ANKS1B: variants seen among roughly 807,000 people sequenced by gnomAD.
ANKS1B encodes ankyrin repeat and sterile alpha motif domain-containing protein 1B.
Under a neutral mutation model 148.3 loss-of-function variants are expected in ANKS1B, and 36 were observed. The observed-to-expected ratio is 0.24, with a 90% CI of 0.19 to 0.32. The LOEUF (loss-of-function observed/expected upper bound fraction) is 0.32. Ranked by LOEUF, ANKS1B falls within the 10% of genes least tolerant of loss-of-function variation. ANKS1B has a pLI of 1.00. For synonymous variants in ANKS1B, 542 were observed against 560.8 expected (o/e 0.97, Z 0.47); for missense variants, 1,157 against 1,542.6 (o/e 0.75, Z 4.19).
chr12:99,627,840 G>T (rs2098124602), intron 9 of ANKS1B, among the ~76,000 whole-genome samples: 1 of 152,126 alleles, frequency 6.6e-6, no homozygotes, highest in Non-Finnish European at 1.5e-5. Flanking sequence ...TGGTGGAGAG[G>T]ATTAAATAAG....
At chr12:99,822,913 G>A (rs969039497) in intron 2 of ANKS1B, among the ~76,000 whole-genome samples, 2 of 152,034 alleles carry the variant, frequency 1.3e-5, no homozygotes, top group Non-Finnish European at 2.9e-5. Context: ...CACCAACAGT[G>A]AATAAGCACT....
At chr12:99,356,674 CATCTGGTTCAATTTCCT>C (rs1341797751) in intron 12 of ANKS1B, among the ~76,000 whole-genome samples, 7 of 152,120 alleles carry the variant, frequency 4.6e-5, no homozygotes, top group African/African-American at 1.7e-4. Context: ...CCTGGAGGGC[CATCTGGTTCAATTTCCT>C]ATCTTCCAGC....
intron 9 of ANKS1B, among the ~76,000 whole-genome samples, chr12:99,548,775 C>G (rs184270470): frequency 2.0e-5 from 3 of 152,150 alleles, no homozygotes; most frequent in Admixed American, 2.0e-4. Flanking sequence ...CTTTGATGAA[C>G]CATTAAAAAA....
At chr12:98,872,897 T>C (rs1259941371) in intron 17 of ANKS1B, among the ~76,000 whole-genome samples, 1 of 152,194 alleles carries the variant, frequency 6.6e-6, no homozygotes, top group African/African-American at 2.4e-5. Context: ...ACCTACTTTC[T>C]TCCTCCAGCC....
At chr12:99,196,310 A>G (rs1224045075) in intron 14 of ANKS1B, among the ~76,000 whole-genome samples, 1 of 152,208 alleles carries the variant, frequency 6.6e-6, no homozygotes. Context: ...CTGCTTTGAT[A>G]AATCAAATGG....
chr12:99,552,567 A>C (rs2097231735), intron 9 of ANKS1B, among the ~76,000 whole-genome samples: 1 of 152,168 alleles, frequency 6.6e-6, no homozygotes, highest in Admixed American at 6.5e-5. Context: ...TGCATTACTA[A>C]ATGCTCTATG....
intron 9 of ANKS1B, among the ~76,000 whole-genome samples, chr12:99,555,411 T>C (rs2097265668): frequency 6.6e-6 from 1 of 152,178 alleles, no homozygotes; most frequent in Non-Finnish European, 1.5e-5. Context: ...TTTTTCTCTT[T>C]TTATTTGGAT....
Position 98,835,533 on chromosome 12 carries a change from A to G in ANKS1B, c.2779-3397T>C, listed in dbSNP as rs142691254. On this transcript the variant is annotated intron_variant, in intron 17 of 26. Transcript: ENST00000683438. ...ACCTTGGGAAAGCCCTCAATGAAGT[A>G]ACTTATCCTAGTAGGAACATGGCTG... Among the ~76,000 whole-genome samples, 442 of 152,338 alleles carry G rather than the reference A, an allele frequency of 2.9e-3. 3 individuals are homozygous for G. Among genetic ancestry groups the G allele is most frequent in the African/African-American group, 0.01 (420 of 41,574 alleles).
chr12:98,910,466 G>A (rs1442082946), intron 17 of ANKS1B, among the ~76,000 whole-genome samples: 1 of 152,112 alleles, frequency 6.6e-6, no homozygotes, highest in Non-Finnish European at 1.5e-5. Context: ...TTAATTATCA[G>A]GCTCCCAAAA....
intron 1 of ANKS1B, among the ~76,000 whole-genome samples, chr12:99,969,012 T>C (rs1388608184): frequency 6.6e-6 from 1 of 152,218 alleles, no homozygotes; most frequent in East Asian, 1.9e-4. Flanking sequence ...CTCTTTTCTT[T>C]ATAAATTATC....
At chr12:98,782,273 C>A in intron 22 of ANKS1B, 136 bp from the exon 23 acceptor site, 1 of 750,952 alleles carries the variant, frequency 1.3e-6, no homozygotes, top group South Asian at 1.7e-5. Flanking sequence ...CACAAAAGAA[C>A]AGGCTTCAGA....
chr12:99,191,777 G>A (rs2080740721), intron 14 of ANKS1B, among the ~76,000 whole-genome samples: 1 of 152,100 alleles, frequency 6.6e-6, no homozygotes, highest in African/African-American at 2.4e-5. Flanking sequence ...AACCACCGTG[G>A]CACGTGTATA....
At chr12:99,067,816 A>T (rs1015306573) in intron 16 of ANKS1B, among the ~76,000 whole-genome samples, 1 of 152,108 alleles carries the variant, frequency 6.6e-6, no homozygotes, top group Non-Finnish European at 1.5e-5. Context: ...ACAACAAAAA[A>T]TAGCTTGATC....
chr12:99,961,293 T>C (rs1603504135), intron 1 of ANKS1B, among the ~76,000 whole-genome samples: 1 of 152,088 alleles, frequency 6.6e-6, no homozygotes, highest in East Asian at 1.9e-4. Context: ...TGAGAGAATT[T>C]AAACAGAAAG....
At chr12:99,186,902 A>G (rs2079937105) in intron 14 of ANKS1B, among the ~76,000 whole-genome samples, 1 of 151,760 alleles carries the variant, frequency 6.6e-6, no homozygotes, top group Non-Finnish European at 1.5e-5. Context: ...AGTAGGCTTC[A>G]GAAGGTGGGT....
chr12:99,983,788 T>C (rs1473009925), intron 1 of ANKS1B, among the ~76,000 whole-genome samples: 2 of 152,152 alleles, frequency 1.3e-5, no homozygotes, highest in African/African-American at 4.8e-5. Context: ...GTAATAAATG[T>C]TGATGGAAAG....
intron 15 of ANKS1B, among the ~76,000 whole-genome samples, chr12:99,127,424 G>A (rs1460311964): frequency 6.6e-6 from 1 of 151,950 alleles, no homozygotes; most frequent in African/African-American, 2.4e-5. Flanking sequence ...TCATTTATCA[G>A]CATTCACAAA....
intron 4 of ANKS1B, among the ~76,000 whole-genome samples, chr12:99,797,665 A>T (rs1028423669): frequency 6.8e-6 from 1 of 145,994 alleles, no homozygotes; most frequent in Non-Finnish European, 1.5e-5. Context: ...CTTTTAGGGG[A>T]AAAAAAAAAG....
At chr12:99,549,376 T>C (rs1358869427) in intron 9 of ANKS1B, among the ~76,000 whole-genome samples, 1 of 152,242 alleles carries the variant, frequency 6.6e-6, no homozygotes, top group Non-Finnish European at 1.5e-5. Context: ...CCAAAATTCT[T>C]AGAGTTAAGC....
Sources: allele counts gnomAD v4.1 joint callset (sites outside exome capture counted in the v4.1 genomes callset), GRCh38; gene constraint gnomAD v4.1.1; transcripts MANE v1.5; gene names NCBI Gene and HGNC (gene_info 2026-07-23, HGNC 2026-07-21).